The following ZFX variants were observed in gnomAD, a reference collection of about 807,000 sequenced individuals.
ZFX encodes the protein zinc finger X-chromosomal protein.
For synonymous variants in ZFX, 196 were observed against 226.8 expected (o/e 0.86, Z 1.22); for missense variants, 362 against 628.3 (o/e 0.58, Z 4.53).
intron 3 of ZFX, among the ~76,000 whole-genome samples, chrX:24,155,384 C>T (rs1313663074): frequency 9.0e-6 from 1 of 111,225 alleles, no homozygotes; most frequent in Non-Finnish European, 1.9e-5. Flanking sequence ...ACTACTGATT[C>T]CATTCATTTT....
At chrX:24,161,713 A>G (rs1933349340) in intron 3 of ZFX, 1 of 99,913 alleles carries the variant, frequency 1.0e-5, no homozygotes, top group African/African-American at 3.8e-5. Flanking sequence ...TTTTTTTTAA[A>G]GACAGTCTTC....
chrX:24,178,291 CTTT>C (rs749167997), intron 4 of ZFX, among the ~76,000 whole-genome samples: 1 of 86,930 alleles, frequency 1.2e-5, no homozygotes. Flanking sequence ...CTTTTCTTTT[CTTT>C]TTTTTTTTTT....
chrX:24,182,632 G>A (rs771049355), intron 5 of ZFX, among the ~76,000 whole-genome samples: 2 of 111,756 alleles, frequency 1.8e-5, no homozygotes, highest in East Asian at 5.6e-4. Context: ...TGAGAAGTTA[G>A]TGGAAGTAGA....
rs760161088 is a variant in ZFX, at chrX:24,172,711, T to A, written c.-28-4T>A. The stretch of plus-strand genomic sequence containing the variant: ...GCTTTGGTTTACTTTTTTCCCTGAT[T>A]TAGGAGCTGTGACTGATGAGAATTA... On this transcript the variant is annotated splice_polypyrimidine_tract_variant and splice_region_variant and intron_variant, in intron 3 of 9. Transcript: ENST00000304543. The A allele has an allele frequency of 8.7e-7, 1 of 1,152,106 alleles. No individual in the cohort carries two copies. Among genetic ancestry groups the A allele is most frequent in the South Asian group, 2.2e-5 (1 of 46,234 alleles). The allele number at this position is 1,152,106 out of a possible 1,213,427, so 94.9% of individuals were successfully genotyped here.
Position 24,211,491 on chromosome X carries a change from A to G in ZFX, c.*115A>G, listed in dbSNP as rs1294255073. 10 of 888,333 alleles carry G rather than the reference A, an allele frequency of 1.1e-5. No individual in the cohort carries two copies. The highest frequency in any genetic ancestry group is 1.4e-5 in the Non-Finnish European group (9 of 647,538). The allele number at this position is 888,333 out of a possible 1,213,427, so 73.2% of individuals were successfully genotyped here. A position where few individuals can be genotyped will look rare whatever the true frequency, so the allele number is the denominator to read the frequency against. On this transcript the variant is annotated 3_prime_UTR_variant, in exon 10 of 10. Transcript: ENST00000304543. The stretch of plus-strand genomic sequence containing the variant: ...GTATATTGATTTATGCTGTGTACAA[A>G]TAGAATTATTACTTCTAGTTGACTT...
chrX:24,175,732 C>A (rs1376802177), intron 4 of ZFX, among the ~76,000 whole-genome samples: 1 of 111,213 alleles, frequency 9.0e-6, no homozygotes, highest in Non-Finnish European at 1.9e-5. Context: ...GTGCAGACCA[C>A]CATGCCCGGC....
chrX:24,180,385 T>TC (rs1182005727), intron 5 of ZFX, among the ~76,000 whole-genome samples: 21 of 106,612 alleles, frequency 2.0e-4, no homozygotes, highest in Admixed American at 1.9e-3. Context: ...GCTACTTACT[T>TC]TTTTTTTTTT....
At chrX:24,181,263 T>A (rs989053685) in intron 5 of ZFX, among the ~76,000 whole-genome samples, 4 of 112,386 alleles carry the variant, frequency 3.6e-5, no homozygotes, top group Non-Finnish European at 7.5e-5. Flanking sequence ...TATTGGACCC[T>A]GAATGTGTGA....
At chrX:24,195,674 GT>G (rs768384528) in intron 5 of ZFX, among the ~76,000 whole-genome samples, 1 of 111,549 alleles carries the variant, frequency 9.0e-6, no homozygotes, top group South Asian at 3.7e-4. Flanking sequence ...AATTTTTGTA[GT>G]TCTAGTAGAG....
At chrX:24,166,516 G>A (rs1934012284) in intron 3 of ZFX, among the ~76,000 whole-genome samples, 1 of 111,874 alleles carries the variant, frequency 8.9e-6, no homozygotes, top group African/African-American at 3.2e-5. Context: ...GATTAATATC[G>A]ATTATATACA....
At chrX:24,175,511 C>CT (rs1935041229) in intron 4 of ZFX, 4 of 111,949 alleles carry the variant, frequency 3.6e-5, no homozygotes. Flanking sequence ...GGTTGAATGA[C>CT]TTGCCCAAGG....
At chrX:24,182,810 AGGATGGGCTAGT>A (rs1448859943) in intron 5 of ZFX, among the ~76,000 whole-genome samples, 2 of 111,667 alleles carry the variant, frequency 1.8e-5, no homozygotes, top group African/African-American at 6.5e-5. Flanking sequence ...AGATAAAGAA[AGGATGGGCTAGT>A]GGAGCAGGTT....
chrX:24,199,804 C>G (rs1394856284), intron 5 of ZFX, among the ~76,000 whole-genome samples: 1 of 109,527 alleles, frequency 9.1e-6, no homozygotes, highest in East Asian at 2.9e-4. Context: ...ATAATCCCAG[C>G]TACTTGGGAG....
intron 5 of ZFX, among the ~76,000 whole-genome samples, chrX:24,200,495 G>T (rs979013432): frequency 8.9e-6 from 1 of 111,933 alleles, no homozygotes; most frequent in Non-Finnish European, 1.9e-5. Context: ...GCAAGGGAAT[G>T]GGATCGACTT....
At chrX:24,163,648 G>A (rs1213855872) in intron 3 of ZFX, among the ~76,000 whole-genome samples, 7 of 106,378 alleles carry the variant, frequency 6.6e-5, no homozygotes, top group Non-Finnish European at 1.2e-4. Context: ...AAAGTGCTGG[G>A]ATTACAGGCA....
At chrX:24,183,760 T>C (rs1442130281) in intron 5 of ZFX, among the ~76,000 whole-genome samples, 3 of 107,150 alleles carry the variant, frequency 2.8e-5, no homozygotes, top group African/African-American at 6.9e-5. Flanking sequence ...TTTGAGACAG[T>C]CTTGTTCTGT....
chrX:24,173,581 T>TG (rs1396053644), intron 4 of ZFX: 10 of 1,146,072 alleles, frequency 8.7e-6, no homozygotes, highest in South Asian at 3.9e-5. Flanking sequence ...TGGTTACACT[T>TG]GCGTTTTGGG....
At chrX:24,173,897 A>G (rs1448188056) in intron 4 of ZFX, among the ~76,000 whole-genome samples, 1 of 109,018 alleles carries the variant, frequency 9.2e-6, no homozygotes, top group Admixed American at 1.0e-4. Context: ...TGCCTGGCCT[A>G]TACTTGGTTT....
chrX:24,204,716 T>C lies in ZFX; in HGVS notation c.647-2610T>C, dbSNP rs148928181. ...TATTCCAGAAGTTGACGAGCCCTGA[T>C]TGGGACTAACGTAGCTTGAGATCTG... On this transcript the variant is annotated intron_variant, in intron 5 of 9. Transcript: ENST00000304543. 9.2e-3 allele frequency among the ~76,000 whole-genome samples: 1,036 copies of C among 112,061 alleles called. 11 individuals are homozygous for C. The highest frequency in any genetic ancestry group is 0.031 in the African/African-American group (963 of 30,863).
Sources: allele counts gnomAD v4.1 joint callset (sites outside exome capture counted in the v4.1 genomes callset), GRCh38; gene constraint gnomAD v4.1.1; transcripts MANE v1.5; gene names NCBI Gene and HGNC (gene_info 2026-07-23, HGNC 2026-07-21).